The following RPS6KC1 variants were observed in gnomAD, a reference collection of about 807,000 sequenced individuals.
The protein encoded by RPS6KC1 is ribosomal protein S6 kinase C1.
In RPS6KC1, 54 loss-of-function variants were observed where a neutral mutation model predicts 103.8. The observed-to-expected ratio is 0.52, with a 90% CI of 0.42 to 0.65. The LOEUF (loss-of-function observed/expected upper bound fraction) is 0.65. Among genes scored for constraint, RPS6KC1 ranks in the 30% least tolerant of loss-of-function variants. The pLI is 0.00. For synonymous variants in RPS6KC1, 439 were observed against 438.7 expected, an observed-to-expected ratio of 1.00 and a Z score of -0.01; for missense variants, 1,151 against 1,253.8, an observed-to-expected ratio of 0.92 and a Z score of 1.24.
chr1:213,613,431 C>G, the RPS6KC1 span, among the ~76,000 whole-genome samples: 2 of 152,208 alleles, frequency 1.3e-5, no homozygotes, highest in South Asian at 4.1e-4. Context: ...CCAGTTAACA[C>G]TTAAGACACA....
the RPS6KC1 span, among the ~76,000 whole-genome samples, chr1:213,630,918 T>A: frequency 1.3e-5 from 2 of 152,194 alleles, no homozygotes; most frequent in African/African-American, 4.8e-5. Context: ...AATGTTGCTG[T>A]CTGATTGTTC....
intron 5 of RPS6KC1, among the ~76,000 whole-genome samples, chr1:213,127,207 A>G (rs1001986021): frequency 6.6e-6 from 1 of 152,148 alleles, no homozygotes; most frequent in Non-Finnish European, 1.5e-5. Flanking sequence ...ATGCCAGGAC[A>G]TTCTTTGTCT....
chr1:213,640,101 T>C, the RPS6KC1 span, among the ~76,000 whole-genome samples: 1 of 152,078 alleles, frequency 6.6e-6, no homozygotes, highest in South Asian at 2.1e-4. Flanking sequence ...TTATCTACTG[T>C]TATCTACTTC....
At chr1:213,804,212 T>G in the RPS6KC1 span, among the ~76,000 whole-genome samples, 1 of 141,234 alleles carries the variant, frequency 7.1e-6, no homozygotes, top group African/African-American at 2.6e-5. Context: ...CCCTTTCTCC[T>G]GGAATATTTT....
the RPS6KC1 span, among the ~76,000 whole-genome samples, chr1:213,555,859 T>G: frequency 1.3e-5 from 2 of 152,260 alleles, no homozygotes; most frequent in Non-Finnish European, 2.9e-5. Context: ...TTTTCCTGGC[T>G]CCTTTTCCTT....
chr1:213,625,779 A>G, the RPS6KC1 span, among the ~76,000 whole-genome samples: 1 of 152,272 alleles, frequency 6.6e-6, no homozygotes, highest in Admixed American at 6.5e-5. Context: ...TTATGGCTGC[A>G]TAGTATTCCA....
At chr1:213,305,200 T>G in the RPS6KC1 span, among the ~76,000 whole-genome samples, 1 of 152,174 alleles carries the variant, frequency 6.6e-6, no homozygotes, top group African/African-American at 2.4e-5. Context: ...TTCTTGTGCC[T>G]CAGCCTCCCG....
At chr1:213,421,713 T>C in the RPS6KC1 span, among the ~76,000 whole-genome samples, 1 of 152,224 alleles carries the variant, frequency 6.6e-6, no homozygotes, top group East Asian at 1.9e-4. Context: ...CTAAAGGGCC[T>C]GGTGTGGTAC....
the RPS6KC1 span, among the ~76,000 whole-genome samples, chr1:213,858,000 A>T: frequency 6.6e-6 from 1 of 152,220 alleles, no homozygotes; most frequent in African/African-American, 2.4e-5. Context: ...AAGCTCTATA[A>T]GCAATTACCC....
the RPS6KC1 span, among the ~76,000 whole-genome samples, chr1:213,854,524 CTTT>C: frequency 3.3e-5 from 3 of 90,406 alleles, no homozygotes; most frequent in African/African-American, 1.7e-4. Context: ...TTCTTTCTTT[CTTT>C]CTTTCTTTCT....
chr1:213,603,871 AAC>A, the RPS6KC1 span, among the ~76,000 whole-genome samples: 1 of 152,018 alleles, frequency 6.6e-6, no homozygotes, highest in African/African-American at 2.4e-5. Flanking sequence ...AAAAAAGAAA[AAC>A]AAAAAAAAGA....
intron 5 of RPS6KC1, among the ~76,000 whole-genome samples, chr1:213,119,065 A>T (rs2084041310): frequency 6.6e-6 from 1 of 151,928 alleles, no homozygotes; most frequent in Admixed American, 6.6e-5. Flanking sequence ...CTGTTGCCTC[A>T]GTTTCCCTAC....
intron 1 of RPS6KC1, among the ~76,000 whole-genome samples, chr1:213,060,914 A>AGAGATCAT (rs1165707016): frequency 6.6e-6 from 1 of 152,294 alleles, no homozygotes; most frequent in African/African-American, 2.4e-5. Flanking sequence ...TATAGACTAG[A>AGAGATCAT]TGGCTTCAAC....
At chr1:213,562,852 C>G in the RPS6KC1 span, among the ~76,000 whole-genome samples, 2 of 152,166 alleles carry the variant, frequency 1.3e-5, no homozygotes, top group African/African-American at 4.8e-5. Context: ...TTTGCAGAGT[C>G]AGGGCCTCAA....
At chr1:213,782,023 A>G in the RPS6KC1 span, among the ~76,000 whole-genome samples, 18 of 152,202 alleles carry the variant, frequency 1.2e-4, 1 homozygote, top group Admixed American at 7.2e-4. Flanking sequence ...CCCCTTTTCG[A>G]GGAGTGCCTT....
chr1:213,764,039 G>A, the RPS6KC1 span, among the ~76,000 whole-genome samples: 81,641 of 152,104 alleles, frequency 0.54, 23,576 homozygotes, highest in East Asian at 0.78. Flanking sequence ...ATTTGCCCTT[G>A]AGGCATCAGA....
the RPS6KC1 span, among the ~76,000 whole-genome samples, chr1:213,361,338 G>C: frequency 6.6e-6 from 1 of 152,260 alleles, no homozygotes; most frequent in Non-Finnish European, 1.5e-5. Flanking sequence ...GGCTCCGTGG[G>C]CGTGGGACCC....
intron 6 of RPS6KC1, among the ~76,000 whole-genome samples, chr1:213,151,494 C>T (rs1173625303): frequency 7.4e-4 from 93 of 126,432 alleles, no homozygotes; most frequent in Non-Finnish European, 1.2e-3. Flanking sequence ...ACCTCCCTCC[C>T]GGACGGGGCG....
chr1:213,132,973 G>GC (rs2085817243), intron 6 of RPS6KC1, among the ~76,000 whole-genome samples: 1 of 152,166 alleles, frequency 6.6e-6, no homozygotes, highest in Non-Finnish European at 1.5e-5. Flanking sequence ...TATTTGCACA[G>GC]CTGAGACCAC....
Sources: allele counts gnomAD v4.1 joint callset (sites outside exome capture counted in the v4.1 genomes callset), GRCh38; gene constraint gnomAD v4.1.1; transcripts MANE v1.5; gene names NCBI Gene and HGNC (gene_info 2026-07-23, HGNC 2026-07-21).